The following ATG5 variants were observed in gnomAD, a reference collection of about 807,000 sequenced individuals.
ATG5 encodes autophagy protein 5.
ATG5 carries 14 observed loss-of-function variants against 36.5 expected under a neutral mutation model. The observed-to-expected ratio is 0.38, with a 90% CI of 0.25 to 0.60. ATG5 has a LOEUF of 0.60. Ranked by LOEUF, ATG5 falls within the 20% of genes least tolerant of loss-of-function variation. The probability of loss-of-function intolerance (pLI) is 0.60; values close to 1 mark genes in which losing one functional copy is unlikely to be tolerated. For missense variants in ATG5, 195 were observed against 326.7 expected (o/e 0.60, Z 3.11); for synonymous variants, 95 against 101.5 (o/e 0.94, Z 0.38).
intron 6 of ATG5, among the ~76,000 whole-genome samples, chr6:106,228,474 C>T (rs750528064): frequency 6.6e-6 from 1 of 152,118 alleles, no homozygotes; most frequent in South Asian, 2.1e-4. Context: ...TTCTGTGACC[C>T]GTGGCTTCTA....
chr6:106,298,488 T>C (rs1006522309), intron 3 of ATG5, among the ~76,000 whole-genome samples: 3 of 151,880 alleles, frequency 2.0e-5, no homozygotes, highest in Non-Finnish European at 2.9e-5. Context: ...GAGGCGGAGG[T>C]TGCAGTGAGC....
chr6:106,194,375 T>C (rs778064794), intron 7 of ATG5, among the ~76,000 whole-genome samples: 7 of 152,162 alleles, frequency 4.6e-5, no homozygotes, highest in Non-Finnish European at 1.0e-4. Flanking sequence ...TACTTAAAAG[T>C]ATCTGCTTTA....
chr6:106,275,223 C>T (rs924802281), intron 5 of ATG5, among the ~76,000 whole-genome samples: 2 of 152,192 alleles, frequency 1.3e-5, no homozygotes, highest in African/African-American at 4.8e-5. Flanking sequence ...CCACCTTTTA[C>T]CCATTTACAT....
intron 6 of ATG5, among the ~76,000 whole-genome samples, chr6:106,212,278 ACT>A (rs1463758311): frequency 6.6e-6 from 1 of 152,226 alleles, no homozygotes; most frequent in Non-Finnish European, 1.5e-5. Context: ...ACAATTTATA[ACT>A]CTAATAAAAC....
At chr6:106,260,049 A>T (rs1027150419) in intron 5 of ATG5, among the ~76,000 whole-genome samples, 1 of 152,150 alleles carries the variant, frequency 6.6e-6, no homozygotes, top group Non-Finnish European at 1.5e-5. Flanking sequence ...ATAGGGGGGA[A>T]CTGAAAAATC....
At chr6:106,284,728 G>GTT (rs78799354) in intron 4 of ATG5, among the ~76,000 whole-genome samples, 31 of 132,846 alleles carry the variant, frequency 2.3e-4, no homozygotes, top group Non-Finnish European at 3.9e-4. Context: ...GGTTTTTTTT[G>GTT]TTTTTTTTTT....
In ATG5 at chr6:106,293,178, C is replaced by T. The variant is rs978768881; in HGVS notation, c.237-72G>A. ...TAACTACAAGGCCAAAATAAATTTCCAACACATATTTTAACACCAAATGTC... is the reference window on the plus strand; with the variant it reads ...TAACTACAAGGCCAAAATAAATTTCTAACACATATTTTAACACCAAATGTC... On this transcript the variant is annotated intron_variant, in intron 3 of 7. Transcript: ENST00000369076. 2.4e-6 allele frequency: 3 copies of T among 1,271,044 alleles called. No homozygotes were observed. In the African/African-American group the frequency reaches 4.5e-5, roughly 19 times the overall value. 78.7% of individuals were successfully genotyped at this position (1,271,044 alleles called of 1,614,324 possible).
intron 6 of ATG5, among the ~76,000 whole-genome samples, chr6:106,224,302 G>A (rs1363164612): frequency 1.3e-5 from 2 of 152,142 alleles, no homozygotes; most frequent in African/African-American, 4.8e-5. Context: ...AAAAATCTAA[G>A]AACCACTAAA....
chr6:106,201,457 G>A (rs2114354733), intron 7 of ATG5, among the ~76,000 whole-genome samples: 1 of 152,228 alleles, frequency 6.6e-6, no homozygotes, highest in East Asian at 1.9e-4. Flanking sequence ...CTTAACCTAA[G>A]TTACAAAATT....
Position 106,194,002 on chromosome 6 carries a change from A to G in ATG5, c.692-7326T>C, listed in dbSNP as rs191984595. The stretch of plus-strand genomic sequence containing the variant: ...ATTCATTTAACTTCTTGAGATTAAG[A>G]TAACAATAATTCAGAAGGAGAAACC... On this transcript the variant is annotated intron_variant, in intron 7 of 7. Coordinates refer to ENST00000369076, the MANE Select transcript of ATG5 (RefSeq NM_004849.4). Among the ~76,000 whole-genome samples, 266 of 152,348 alleles carry G rather than the reference A, an allele frequency of 1.7e-3. 2 individuals carry two copies. The highest frequency in any genetic ancestry group is 6.1e-3 in the African/African-American group (255 of 41,586).
chr6:106,270,400 A>G (rs914855114), intron 5 of ATG5, among the ~76,000 whole-genome samples: 3 of 152,178 alleles, frequency 2.0e-5, no homozygotes, highest in African/African-American at 7.2e-5. Context: ...GGAATTATTC[A>G]CCTTCCTGCA....
At chr6:106,223,891 G>A (rs1777347054) in intron 6 of ATG5, among the ~76,000 whole-genome samples, 1 of 152,190 alleles carries the variant, frequency 6.6e-6, no homozygotes, top group Admixed American at 6.5e-5. Context: ...TCAGTTTTGG[G>A]GAAGCTGTCT....
At chr6:106,295,416 G>C (rs185306494) in intron 3 of ATG5, among the ~76,000 whole-genome samples, 3 of 152,074 alleles carry the variant, frequency 2.0e-5, no homozygotes. Flanking sequence ...TATTAGATAA[G>C]ATTCACTCGA....
At chr6:106,202,291 A>T in intron 6 of ATG5, 1 of 454,896 alleles carries the variant, frequency 2.2e-6, no homozygotes, top group South Asian at 3.6e-5. Context: ...GAGGAAACAG[A>T]CAAATCCAAA....
intron 3 of ATG5, among the ~76,000 whole-genome samples, chr6:106,296,805 G>A (rs770792932): frequency 1.3e-5 from 2 of 152,156 alleles, no homozygotes; most frequent in Non-Finnish European, 2.9e-5. Context: ...GCAACAGAGG[G>A]AGACTTGGTC....
intron 6 of ATG5, among the ~76,000 whole-genome samples, chr6:106,207,096 G>T (rs1301797155): frequency 6.6e-6 from 1 of 152,132 alleles, no homozygotes; most frequent in South Asian, 2.1e-4. Context: ...ACTCTCATGA[G>T]AAATAACATG....
intron 3 of ATG5, among the ~76,000 whole-genome samples, chr6:106,306,053 A>G (rs1770433317): frequency 6.6e-6 from 1 of 152,246 alleles, no homozygotes; most frequent in Non-Finnish European, 1.5e-5. Flanking sequence ...GATATAACAC[A>G]TAAAAAGTTA....
rs78013018 is a variant in ATG5, at chr6:106,295,090, A to G, written c.237-1984T>C. On this transcript the variant is annotated intron_variant, in intron 3 of 7. Coordinates refer to ENST00000369076, the MANE Select transcript of ATG5 (RefSeq NM_004849.4). ...CACACACACACACATATACACACAT[A>G]TATAGTACTATAGACAAGTTATAGA... is the stretch of plus-strand genomic sequence containing the variant. Among the ~76,000 whole-genome samples, 1,409 of 152,172 alleles carry G rather than the reference A, an allele frequency of 9.3e-3. 22 individuals are homozygous for G. Among genetic ancestry groups the G allele is most frequent in the African/African-American group, 0.033 (1,351 of 41,526 alleles).
chr6:106,289,004 C>T (rs1446606457), intron 4 of ATG5, among the ~76,000 whole-genome samples: 1 of 151,978 alleles, frequency 6.6e-6, no homozygotes, highest in Non-Finnish European at 1.5e-5. Context: ...AAAATCTAAT[C>T]AAAATCTATT....
Sources: gnomAD v4.1 joint callset for allele counts (sites outside exome capture counted in the v4.1 genomes callset) on GRCh38, gnomAD v4.1.1 for gene constraint, MANE v1.5 for transcripts, NCBI Gene and HGNC (gene_info 2026-07-23, HGNC 2026-07-21) for gene names.